Variants in FANCC observed in about 807,000 individuals in gnomAD.
FANCC encodes the protein Fanconi anemia group C protein.
Under a neutral mutation model 71.3 loss-of-function variants are expected in FANCC, and 55 were observed. That is an observed-to-expected ratio of 0.77 (90% CI 0.62 to 0.97). The LOEUF (loss-of-function observed/expected upper bound fraction) is 0.97. Ranked by LOEUF, FANCC falls within the 50% of genes least tolerant of loss-of-function variation. The pLI, the probability that FANCC is intolerant of heterozygous loss-of-function variation, is 0.00. For synonymous variants in FANCC, 275 were observed against 244.9 expected, an observed-to-expected ratio of 1.12 and a Z score of -1.15; for missense variants, 678 against 670.9, an observed-to-expected ratio of 1.01 and a Z score of -0.12.
rs562841213 is a variant in FANCC at position 95,099,436 on chromosome 9, C to T, written c.*2271G>A. On this transcript the variant is annotated 3_prime_UTR_variant, in exon 15 of 15. Transcript: ENST00000289081. Reference sequence around the variant, plus strand: ...CGTCAAGGCCCCCTCGGCCACGCCGCGTCCCCGCCCAGCATCTCGGATGCC... The same window carrying T: ...CGTCAAGGCCCCCTCGGCCACGCCGTGTCCCCGCCCAGCATCTCGGATGCC... The T allele has an allele frequency of 9.7e-5, 22 of 226,710 alleles. No homozygotes were observed. In the South Asian group the frequency reaches 3.3e-3, roughly 34 times the overall value. The allele number at this position is 226,710 out of a possible 1,614,324, so 14.0% of individuals were successfully genotyped here.
At chr9:95,140,842 T>G (rs1228087393) in intron 7 of FANCC, among the ~76,000 whole-genome samples, 1 of 152,148 alleles carries the variant, frequency 6.6e-6, no homozygotes, top group African/African-American at 2.4e-5. Flanking sequence ...CATTATCATC[T>G]GCATGTACAG....
At chr9:95,230,094 T>TAA (rs5899251) in intron 4 of FANCC, among the ~76,000 whole-genome samples, 34 of 151,130 alleles carry the variant, frequency 2.2e-4, no homozygotes, top group African/African-American at 3.2e-4. Flanking sequence ...ATTATTTCAG[T>TAA]AAAAAAAAAA....
At chr9:95,190,933 C>T (rs1231145150) in intron 4 of FANCC, among the ~76,000 whole-genome samples, 2 of 151,434 alleles carry the variant, frequency 1.3e-5, no homozygotes, top group African/African-American at 2.4e-5. Context: ...TGTATAGTCC[C>T]GTGGTTTTGG....
At chr9:95,199,642 C>A (rs1827684264) in intron 4 of FANCC, among the ~76,000 whole-genome samples, 1 of 152,188 alleles carries the variant, frequency 6.6e-6, no homozygotes, top group African/African-American at 2.4e-5. Context: ...CGCACACAGG[C>A]ATTCCATTTG....
chr9:95,231,746 A>G (rs1479562294), intron 4 of FANCC, among the ~76,000 whole-genome samples: 1 of 152,208 alleles, frequency 6.6e-6, no homozygotes, highest in Admixed American at 6.5e-5. Context: ...GTGCAAATCA[A>G]AGAGAGGGAT....
At chr9:95,109,946 C>T (rs1024325903) in intron 13 of FANCC, among the ~76,000 whole-genome samples, 12 of 152,298 alleles carry the variant, frequency 7.9e-5, no homozygotes, top group South Asian at 2.1e-4. Flanking sequence ...CTTCCCAGGA[C>T]GCCACATACA....
chr9:95,292,673 T>C (rs1834117184), intron 1 of FANCC: 9 of 1,345,556 alleles, frequency 6.7e-6, no homozygotes, highest in South Asian at 1.2e-5. Flanking sequence ...GCATGCAGTA[T>C]AGCACAGTCA....
intron 11 of FANCC, among the ~76,000 whole-genome samples, chr9:95,116,648 G>C (rs899527668): frequency 1.3e-5 from 2 of 152,172 alleles, no homozygotes; most frequent in Non-Finnish European, 2.9e-5. Flanking sequence ...TCAGGTTTCA[G>C]GCCTCAGAGG....
At chr9:95,110,560 A>C in intron 13 of FANCC, 1 of 1,033,010 alleles carries the variant, frequency 9.7e-7, no homozygotes, top group Non-Finnish European at 1.2e-6. Context: ...ATTATCACCA[A>C]ATTTCAACTT....
At chr9:95,245,995 A>AG (rs1830949349) in intron 3 of FANCC, among the ~76,000 whole-genome samples, 1 of 152,132 alleles carries the variant, frequency 6.6e-6, no homozygotes, top group Non-Finnish European at 1.5e-5. Context: ...AGAAAGTCTA[A>AG]GGGGGGTGCC....
At chr9:95,200,920 A>G (rs544589912) in intron 4 of FANCC, among the ~76,000 whole-genome samples, 1 of 152,366 alleles carries the variant, frequency 6.6e-6, no homozygotes, top group South Asian at 2.1e-4. Context: ...AATCATGAAC[A>G]TAGTCAAGTG....
Position 95,279,118 on chromosome 9 carries a change from C to T in FANCC, c.-78-29749G>A, listed in dbSNP as rs2136253841. 2.6e-5 allele frequency among the ~76,000 whole-genome samples: 4 copies of T among 152,202 alleles called. No homozygotes were observed. The South Asian group carries it at 6.2e-4, about 24-fold the overall frequency. ...TCACTTGAGGCCAAGACTTAAGAGA[C>T]TAGCCTGGCCAACATGGTGAAACCC... On this transcript the variant is annotated intron_variant, in intron 1 of 14. Coordinates refer to ENST00000289081, the MANE Select transcript of FANCC (RefSeq NM_000136.3).
intron 7 of FANCC, among the ~76,000 whole-genome samples, chr9:95,138,112 CCTACAAAACAG>C (rs1384498898): frequency 3.3e-5 from 5 of 152,222 alleles, no homozygotes; most frequent in African/African-American, 1.2e-4. Context: ...CATTAACAGC[CCTACAAAACAG>C]GTACAAAATT....
chr9:95,199,222 G>T (rs1188498515), intron 4 of FANCC, among the ~76,000 whole-genome samples: 1 of 152,028 alleles, frequency 6.6e-6, no homozygotes, highest in East Asian at 1.9e-4. Context: ...ACTCTGGCCA[G>T]TTTTCGAAGC....
In FANCC at chr9:95,299,794, G is replaced by A. The variant is rs75219722; in HGVS notation, c.-79+17732C>T. ...GAGAATTGTTTAAGCCTGGGAGGTC[G>A]AGGCCATAGTGAGCCATGTCCGCAT... is the stretch of plus-strand genomic sequence containing the variant. On this transcript the variant is annotated intron_variant, in intron 1 of 14. Transcript: ENST00000289081. Among the ~76,000 whole-genome samples, 427 of 152,284 alleles carry A rather than the reference G, an allele frequency of 2.8e-3. 8 individuals are homozygous for A. The South Asian group carries it at 0.042, about 15-fold the overall frequency.
intron 8 of FANCC, among the ~76,000 whole-genome samples, chr9:95,128,690 A>G (rs983193289): frequency 3.9e-5 from 6 of 152,168 alleles, no homozygotes; most frequent in Admixed American, 1.3e-4. Context: ...GCTCAATCCA[A>G]TGTTTTAAAT....
chr9:95,230,541 G>A (rs974455935), intron 4 of FANCC, among the ~76,000 whole-genome samples: 3 of 152,136 alleles, frequency 2.0e-5, no homozygotes, highest in Non-Finnish European at 4.4e-5. Flanking sequence ...AAGATGGTGT[G>A]TCCAGAGTTT....
At chr9:95,214,484 A>C (rs1312234650) in intron 4 of FANCC, among the ~76,000 whole-genome samples, 1 of 152,172 alleles carries the variant, frequency 6.6e-6, no homozygotes, top group Non-Finnish European at 1.5e-5. Flanking sequence ...CAGATGATCC[A>C]GCAATTCCAC....
chr9:95,146,974 A>G (rs980194184), intron 7 of FANCC, among the ~76,000 whole-genome samples: 3 of 151,204 alleles, frequency 2.0e-5, no homozygotes, highest in African/African-American at 4.8e-5. Flanking sequence ...AAACTTTTCT[A>G]ATTTTTAAAT....
Sources: allele counts gnomAD v4.1 joint callset (sites outside exome capture counted in the v4.1 genomes callset), GRCh38; gene constraint gnomAD v4.1.1; transcripts MANE v1.5; gene names NCBI Gene and HGNC (gene_info 2026-07-23, HGNC 2026-07-21).